Variants in MRC1 observed in about 807,000 individuals in gnomAD.
MRC1 encodes mannose receptor C-type 1.
Under a neutral mutation model 102.9 loss-of-function variants are expected in MRC1, and 62 were observed. That is an observed-to-expected ratio of 0.60 (90% CI 0.49 to 0.74). The LOEUF is 0.74. Ranked by LOEUF, MRC1 falls within the 30% of genes least tolerant of loss-of-function variation. The probability of loss-of-function intolerance (pLI) is 0.00; values close to 1 mark genes in which losing one functional copy is unlikely to be tolerated. For synonymous variants in MRC1, 457 were observed against 298.4 expected, an observed-to-expected ratio of 1.53 and a Z score of -5.48; for missense variants, 1,237 against 862.8, an observed-to-expected ratio of 1.43 and a Z score of -5.43.
intron 3 of MRC1, among the ~76,000 whole-genome samples, chr10:17,832,130 C>T (rs1442903143): frequency 6.6e-6 from 1 of 151,598 alleles, no homozygotes; most frequent in East Asian, 1.9e-4. Context: ...CTGCAGGAGT[C>T]CGTGACCTTC....
intron 1 of MRC1, among the ~76,000 whole-genome samples, chr10:17,816,555 C>T (rs1838316169): frequency 1.3e-5 from 2 of 152,252 alleles, no homozygotes; most frequent in East Asian, 1.9e-4. Context: ...CGTTTTCTGA[C>T]CCATCTAATT....
chr10:17,897,975 C>G (rs935737020), intron 23 of MRC1, 59 bp from the exon 24 acceptor site: 20 of 780,366 alleles, frequency 2.6e-5, no homozygotes, highest in Non-Finnish European at 4.8e-6. Context: ...CTTATCATTA[C>G]TGATAAGGCT....
At chr10:17,873,449 A>G (rs1833382272) in intron 15 of MRC1, among the ~76,000 whole-genome samples, 1 of 152,054 alleles carries the variant, frequency 6.6e-6, no homozygotes, top group East Asian at 1.9e-4. Flanking sequence ...ATTTAAACCC[A>G]GGCTTGGGAT....
intron 4 of MRC1, among the ~76,000 whole-genome samples, chr10:17,834,840 G>A (rs1838638772): frequency 6.6e-6 from 1 of 152,168 alleles, no homozygotes; most frequent in African/African-American, 2.4e-5. Flanking sequence ...GAGAGATTAG[G>A]ATCAGAAATT....
chr10:17,880,468 A>G lies in MRC1; in HGVS notation c.2720-57A>G. ...GTAAAATAGAAATATATTTTTTAAAATAATGTTTTAAAACATAAACATATG... is the reference window on the plus strand; with the variant it reads ...GTAAAATAGAAATATATTTTTTAAAGTAATGTTTTAAAACATAAACATATG... On this transcript the variant is annotated intron_variant, in intron 19 of 29. Transcript: ENST00000569591. 3 of 772,184 alleles carry G rather than the reference A, an allele frequency of 3.9e-6. No individual in the cohort carries two copies. In the South Asian group the frequency reaches 4.2e-5, roughly 11 times the overall value. 47.8% of individuals were successfully genotyped at this position (772,184 alleles called of 1,614,324 possible).
intron 22 of MRC1, among the ~76,000 whole-genome samples, chr10:17,893,174 T>TTCTC: frequency 7.4e-6 from 1 of 134,974 alleles, no homozygotes; most frequent in Middle Eastern, 3.5e-3. Context: ...CCTTCCTTCC[T>TTCTC]TCCCAAGGTC....
chr10:17,837,917 T>A (rs1371808794), intron 4 of MRC1, among the ~76,000 whole-genome samples: 1 of 152,018 alleles, frequency 6.6e-6, no homozygotes, highest in African/African-American at 2.4e-5. Context: ...TATCATTTTT[T>A]AAAAATGTAG....
At chr10:17,859,199 G>C (rs1833142285) in intron 9 of MRC1, among the ~76,000 whole-genome samples, 1 of 151,834 alleles carries the variant, frequency 6.6e-6, no homozygotes, top group Non-Finnish European at 1.5e-5. Flanking sequence ...TTTGTTATTG[G>C]ATTTATTCTT....
chr10:17,862,740 T>G (rs1449674592), intron 10 of MRC1: 1 of 152,228 alleles, frequency 6.6e-6, no homozygotes, highest in Non-Finnish European at 1.5e-5. Context: ...GGTTTCTCTA[T>G]ATTCTCTTCC....
At chr10:17,830,884 CTA>C (rs1252658364) in intron 3 of MRC1, among the ~76,000 whole-genome samples, 58,183 of 147,584 alleles carry the variant, frequency 0.39, 12,930 homozygotes, top group African/African-American at 0.58. Flanking sequence ...ACATTTTCTA[CTA>C]TATATATATA....
At chr10:17,870,819 A>AT in intron 13 of MRC1, 29 bp from the exon 14 acceptor site, 2 of 871,954 alleles carry the variant, frequency 2.3e-6, no homozygotes, top group Non-Finnish European at 4.0e-6. Context: ...GCAATAGCAT[A>AT]TGCTTTCTTT....
intron 5 of MRC1, among the ~76,000 whole-genome samples, chr10:17,842,082 C>T (rs2130628026): frequency 6.6e-6 from 1 of 152,284 alleles, no homozygotes; most frequent in East Asian, 1.9e-4. Flanking sequence ...TGTGCCTCAG[C>T]CTCCTAAGAG....
chr10:17,812,719 C>A (rs868965351), intron 1 of MRC1, among the ~76,000 whole-genome samples: 1 of 151,826 alleles, frequency 6.6e-6, no homozygotes, highest in South Asian at 2.1e-4. Context: ...TTACAGGCAC[C>A]CGCCACCACA....
intron 20 of MRC1, 81 bp downstream of exon 20, chr10:17,880,751 G>T: frequency 3.9e-6 from 3 of 774,754 alleles, no homozygotes; most frequent in East Asian, 4.9e-5. Flanking sequence ...GTTAACTTTT[G>T]CTAGCCTCAT....
rs1833218367 is a variant in MRC1, at chr10:17,863,644, A to G, written c.1745A>G (p.Glu582Gly). 1.3e-6 allele frequency: 1 copy of G among 780,730 alleles called. No individual in the cohort carries two copies. Among genetic ancestry groups the G allele is most frequent in the African/African-American group, 1.7e-5 (1 of 59,124 alleles). 48.4% of individuals were successfully genotyped at this position (780,730 alleles called of 1,614,324 possible). ...TKGTFQWTIE[E>G]EVRFTHWNSD... ...GGGACTTTTCAGTGGACCATCGAGGAAGAGGTTCGGTTCACCCACTGGAAT... is the reference window on the plus strand; with the variant it reads ...GGGACTTTTCAGTGGACCATCGAGGGAGAGGTTCGGTTCACCCACTGGAAT... The change falls in exon 11 of 30, where the codon GAA (glutamate) becomes GGA (glycine). Residue 582 changes from glutamate (E) to glycine (G), a missense_variant. Physicochemically the swap from Glu to Gly is moderately conservative, Grantham distance 98. Coordinates refer to ENST00000569591, the MANE Select transcript of MRC1 (RefSeq NM_002438.4).
chr10:17,812,781 C>T (rs1450227429), intron 1 of MRC1, among the ~76,000 whole-genome samples: 1 of 151,964 alleles, frequency 6.6e-6, no homozygotes, highest in Non-Finnish European at 1.5e-5. Context: ...CCATGTTGGC[C>T]AGGCTGGTCT....
intron 26 of MRC1, among the ~76,000 whole-genome samples, chr10:17,903,946 A>G (rs1267075666): frequency 6.6e-6 from 1 of 151,106 alleles, no homozygotes; most frequent in Admixed American, 6.6e-5. Flanking sequence ...ACAGAGCGAG[A>G]CTTCATTTCA....
intron 12 of MRC1, among the ~76,000 whole-genome samples, chr10:17,867,379 T>TCTC (rs1554841594): frequency 2.8e-5 from 4 of 142,246 alleles, no homozygotes; most frequent in African/African-American, 1.1e-4. Flanking sequence ...TTCTTCTTCT[T>TCTC]CTTCTTCTCC....
chr10:17,827,590 C>T lies in MRC1; in HGVS notation c.512C>T (p.Pro171Leu). 3.8e-6 allele frequency: 3 copies of T among 780,746 alleles called. No individual in the cohort carries two copies. Among genetic ancestry groups the T allele is most frequent in the South Asian group, 1.3e-5 (1 of 74,604 alleles). The allele number at this position is 780,746 out of a possible 1,614,324, so 48.4% of individuals were successfully genotyped here. Reference sequence around the variant, plus strand: ...GCCAATGGAGCAACCTGTGCATTCCCGTTCAAGTTTGAAAACAAGTGGTAC... The same window carrying T: ...GCCAATGGAGCAACCTGTGCATTCCTGTTCAAGTTTGAAAACAAGTGGTAC... Reference protein sequence around the residue: ...GNANGATCAFPFKFENKWYAD... With the variant: ...GNANGATCAFLFKFENKWYAD... Residue 171 changes from proline (P) to leucine (L), a missense_variant, in exon 3 of 30, where the codon CCG (proline) becomes CTG (leucine). Coordinates refer to ENST00000569591, the MANE Select transcript of MRC1 (RefSeq NM_002438.4).
Sources: allele counts gnomAD v4.1 joint callset (sites outside exome capture counted in the v4.1 genomes callset), GRCh38; gene constraint gnomAD v4.1.1; transcripts MANE v1.5; gene names NCBI Gene and HGNC (gene_info 2026-07-23, HGNC 2026-07-21).